Variants in SHANK2 observed in about 807,000 individuals in gnomAD.
The protein encoded by SHANK2 is SH3 and multiple ankyrin repeat domains protein 2.
SHANK2 carries 43 observed loss-of-function variants against 133.7 expected under a neutral mutation model. The ratio of observed to expected loss-of-function variants is 0.32; its 90% CI spans 0.25 to 0.41. SHANK2 has a LOEUF of 0.41. SHANK2 is among the 10% of genes least tolerant of loss of function. SHANK2 has a pLI of 1.00. For missense variants in SHANK2, 1,994 were observed against 2,235.8 expected (o/e 0.89, Z 2.18); for synonymous variants, 1,017 against 952.8 (o/e 1.07, Z -1.24).
intron 9 of SHANK2, 34 bp downstream of exon 9, chr11:71,075,125 T>C (rs1951201963): frequency 5.6e-6 from 1 of 177,662 alleles, no homozygotes; most frequent in South Asian, 1.4e-4. Context: ...GACCACTGTA[T>C]ACATTATTTC....
chr11:70,749,624 G>C (rs900979338), intron 14 of SHANK2, among the ~76,000 whole-genome samples: 2 of 152,170 alleles, frequency 1.3e-5, no homozygotes, highest in South Asian at 4.1e-4. Context: ...TGCCACTATT[G>C]TAACTATTTC....
chr11:70,946,282 AAAC>A (rs1312963058), intron 10 of SHANK2, among the ~76,000 whole-genome samples: 1 of 143,514 alleles, frequency 7.0e-6, no homozygotes, highest in African/African-American at 2.7e-5. Context: ...CCTCTCCACT[AAAC>A]AACGCTTCCC....
intron 3 of SHANK2, among the ~76,000 whole-genome samples, chr11:71,138,539 G>A (rs551062737): frequency 1.3e-5 from 2 of 152,170 alleles, no homozygotes; most frequent in East Asian, 1.9e-4. Context: ...ATATCCGGCC[G>A]GGCGCGGTGG....
chr11:70,537,607 G>A (rs1382693959), intron 17 of SHANK2, among the ~76,000 whole-genome samples: 4 of 152,226 alleles, frequency 2.6e-5, no homozygotes, highest in African/African-American at 7.2e-5. Flanking sequence ...TGAGGCTGCT[G>A]TCTGACTTCT....
chr11:71,197,516 ATCT>A (rs1311074171), intron 2 of SHANK2, among the ~76,000 whole-genome samples: 2 of 152,250 alleles, frequency 1.3e-5, no homozygotes, highest in Admixed American at 6.5e-5. Flanking sequence ...CCATGAGGCC[ATCT>A]TCTTCTCTGT....
intron 12 of SHANK2, among the ~76,000 whole-genome samples, chr11:70,813,804 G>T (rs1304124272): frequency 6.6e-6 from 1 of 152,170 alleles, no homozygotes; most frequent in Non-Finnish European, 1.5e-5. Flanking sequence ...GGCTTCCCAG[G>T]ACTGTGAAAG....
At chr11:71,139,127 G>A (rs1555105315) in intron 3 of SHANK2, among the ~76,000 whole-genome samples, 1 of 152,208 alleles carries the variant, frequency 6.6e-6, no homozygotes, top group Non-Finnish European at 1.5e-5. Context: ...CTCAAGCACA[G>A]AATGGGACAC....
intron 21 of SHANK2, among the ~76,000 whole-genome samples, chr11:70,493,425 C>CTTTTTTTTTTTT: frequency 6.8e-6 from 1 of 146,308 alleles, no homozygotes; most frequent in African/African-American, 2.5e-5. Context: ...GGATCCTTAG[C>CTTTTTTTTTTTT]AATTAACAAA....
chr11:70,865,032 A>T (rs1247280427), intron 11 of SHANK2: 4 of 152,182 alleles, frequency 2.6e-5, no homozygotes, highest in Non-Finnish European at 5.9e-5. Context: ...TTAAAGAAAA[A>T]GGGGCCCTAG....
At chr11:70,566,168 C>T (rs1554981880) in intron 17 of SHANK2, among the ~76,000 whole-genome samples, 1 of 152,100 alleles carries the variant, frequency 6.6e-6, no homozygotes. Flanking sequence ...AGAATGACCC[C>T]ATGATTCAGT....
intron 3 of SHANK2, among the ~76,000 whole-genome samples, chr11:71,136,936 C>T (rs539822029): frequency 2.6e-5 from 4 of 152,334 alleles, no homozygotes; most frequent in African/African-American, 9.6e-5. Context: ...GATCTCCACT[C>T]ACTGCAACCT....
At position 71,088,351 on chromosome 11, in the gene SHANK2, T is replaced by C. The variant is rs951956227; in HGVS notation, c.912+4071A>G. ...GCATGTGCACACCCTATTGGTTCTG[T>C]TTTTCTGGAGAACTCATCACACCTG... On this transcript the variant is annotated intron_variant, in intron 8 of 25. Coordinates refer to ENST00000601538, the MANE Select transcript of SHANK2 (RefSeq NM_012309.5). 9.4e-4 allele frequency among the ~76,000 whole-genome samples: 143 copies of C among 152,242 alleles called. No homozygotes were observed. In the Middle Eastern group the frequency reaches 0.02, roughly 22 times the overall value.
At chr11:70,937,748 G>T (rs1294779651) in intron 10 of SHANK2, among the ~76,000 whole-genome samples, 1 of 151,996 alleles carries the variant, frequency 6.6e-6, no homozygotes, top group Non-Finnish European at 1.5e-5. Flanking sequence ...GAGAAAAAAG[G>T]TCTAGGTCAA....
intron 14 of SHANK2, among the ~76,000 whole-genome samples, chr11:70,793,511 T>C (rs1464242804): frequency 3.9e-5 from 6 of 152,162 alleles, no homozygotes; most frequent in African/African-American, 1.2e-4. Context: ...AAGGAAAAGA[T>C]GAACACTGCC....
intron 14 of SHANK2, among the ~76,000 whole-genome samples, chr11:70,707,396 AAG>A (rs1555025170): frequency 1.9e-5 from 2 of 106,964 alleles, no homozygotes; most frequent in African/African-American, 2.9e-5. Context: ...AAAAAAAAAA[AAG>A]AGAGAGAGAG....
intron 14 of SHANK2, among the ~76,000 whole-genome samples, chr11:70,751,466 C>A (rs1946747326): frequency 6.6e-6 from 1 of 152,080 alleles, no homozygotes; most frequent in Admixed American, 6.6e-5. Context: ...TTAGATGAAG[C>A]AAAACCAAGA....
At chr11:70,916,221 T>C (rs1565403990) in intron 10 of SHANK2, among the ~76,000 whole-genome samples, 3 of 151,996 alleles carry the variant, frequency 2.0e-5, no homozygotes, top group Admixed American at 6.5e-5. Context: ...TGGGAGAGGG[T>C]AGAGTTCAGA....
chr11:70,694,784 T>A (rs1378873977), intron 15 of SHANK2, among the ~76,000 whole-genome samples: 1 of 152,128 alleles, frequency 6.6e-6, no homozygotes, highest in Non-Finnish European at 1.5e-5. Context: ...GACCTACTCA[T>A]CTCTGTCCAC....
chr11:70,778,547 A>T (rs372094130), intron 14 of SHANK2, among the ~76,000 whole-genome samples: 1 of 151,726 alleles, frequency 6.6e-6, no homozygotes, highest in South Asian at 2.1e-4. Flanking sequence ...GCCTTGACCC[A>T]AGAGGACTGG....
Sources: gnomAD v4.1 joint callset for allele counts (sites outside exome capture counted in the v4.1 genomes callset) on GRCh38, gnomAD v4.1.1 for gene constraint, MANE v1.5 for transcripts, NCBI Gene and HGNC (gene_info 2026-07-23, HGNC 2026-07-21) for gene names.